TSHZ3: variants seen among roughly 807,000 people sequenced by gnomAD.
The protein encoded by TSHZ3 is teashirt zinc finger homeobox 3.
In TSHZ3, 10 loss-of-function variants were observed where a neutral mutation model predicts 64.5. The ratio of observed to expected loss-of-function variants is 0.16; its 90% CI spans 0.10 to 0.26. The LOEUF is 0.26. Ranked by LOEUF, TSHZ3 falls within the 10% of genes least tolerant of loss-of-function variation. The pLI is 1.00. For missense variants in TSHZ3, 1,242 were observed against 1,421.7 expected (o/e 0.87, Z 2.03); for synonymous variants, 608 against 593.1 (o/e 1.03, Z -0.36).
At chr19:31,201,353 C>G (rs1185247333) in intron 5 of TSHZ3, among the ~76,000 whole-genome samples, 1 of 151,962 alleles carries the variant, frequency 6.6e-6, no homozygotes, top group African/African-American at 2.4e-5. Context: ...AATCTAAAAA[C>G]AAAGGGAGCC....
intron 4 of TSHZ3, among the ~76,000 whole-genome samples, chr19:31,223,323 G>C (rs1975415480): frequency 6.6e-6 from 1 of 151,652 alleles, no homozygotes; most frequent in Non-Finnish European, 1.5e-5. Context: ...CCTTCTCCCA[G>C]GTAGGTCTGT....
chr19:31,164,861 A>T (rs1974423008), intron 5 of TSHZ3, among the ~76,000 whole-genome samples: 1 of 152,136 alleles, frequency 6.6e-6, no homozygotes, highest in African/African-American at 2.4e-5. Flanking sequence ...ATCGTCTTTG[A>T]TTTATGAAGT....
chr19:31,236,352 T>G (rs80083277), intron 3 of TSHZ3, among the ~76,000 whole-genome samples: 1,830 of 152,282 alleles, frequency 0.012, 34 homozygotes, highest in African/African-American at 0.042. Context: ...TCAGGTGATA[T>G]CTCATTGTGG....
rs1049561970 is a variant in TSHZ3 at position 31,185,157 on chromosome 19, C to G, written n.809+19799G>C. Among the ~76,000 whole-genome samples, 55 of 151,990 alleles carry G rather than the reference C, an allele frequency of 3.6e-4. 1 individual carries two copies. The highest frequency in any genetic ancestry group is 2.1e-4 in the South Asian group (1 of 4,830). ...ATGCAGAGCGAGGAAAGCTCCAGCT[C>G]TCCCTTCCCTTCCGCCAGTGGCCGC... On this transcript the variant is annotated intron_variant and non_coding_transcript_variant, in intron 5 of 6. Coordinates refer to the TSHZ3 transcript ENST00000651361.
chr19:31,207,806 C>T (rs1198335115), intron 4 of TSHZ3: 1 of 152,124 alleles, frequency 6.6e-6, no homozygotes, highest in East Asian at 1.9e-4. Flanking sequence ...TCATGCTAAA[C>T]AGTAGTTTAG....
chr19:31,216,850 G>A lies in TSHZ3; in HGVS notation n.686+11155C>T, dbSNP rs190947099. On this transcript the variant is annotated intron_variant and non_coding_transcript_variant, in intron 4 of 6. Coordinates refer to the TSHZ3 transcript ENST00000651361. ...TTTTTTATTTTTTTGTAGAGACATG[G>A]TTTCACCATGTTAGCCAGGATGGTC... Among the ~76,000 whole-genome samples the A allele has an allele frequency of 2.5e-3, 375 of 151,900 alleles. 4 individuals are homozygous for A. The highest frequency in any genetic ancestry group is 0.024 in the Middle Eastern group (7 of 294).
At chr19:31,250,980 G>T (rs556869190) in intron 1 of TSHZ3, among the ~76,000 whole-genome samples, 3 of 152,128 alleles carry the variant, frequency 2.0e-5, no homozygotes, top group Non-Finnish European at 2.9e-5. Context: ...ACACCACCCT[G>T]CCCCACCCCA....
At chr19:31,318,301 A>G (rs893208726) in intron 1 of TSHZ3, among the ~76,000 whole-genome samples, 2 of 152,212 alleles carry the variant, frequency 1.3e-5, no homozygotes, top group South Asian at 4.1e-4. Context: ...ATAATATGGC[A>G]ATTCACCATA....
intron 1 of TSHZ3, among the ~76,000 whole-genome samples, chr19:31,330,154 T>C (rs1027453): frequency 0.61 from 92,999 of 151,526 alleles, 29,947 homozygotes; most frequent in East Asian, 0.94. Flanking sequence ...AGCTGCTGTG[T>C]GATAACCAAA....
intron 1 of TSHZ3, among the ~76,000 whole-genome samples, chr19:31,266,278 C>T (rs140549214): frequency 1.8e-4 from 28 of 152,254 alleles, no homozygotes; most frequent in African/African-American, 3.9e-4. Context: ...GCCTCATCAA[C>T]ATAACAAGAC....
chr19:31,327,660 C>T (rs1568382617), intron 1 of TSHZ3, among the ~76,000 whole-genome samples: 2 of 152,106 alleles, frequency 1.3e-5, no homozygotes, highest in Non-Finnish European at 2.9e-5. Context: ...TACACGTATA[C>T]ACGCATATAA....
rs148486984 is a variant in TSHZ3 at position 31,276,649 on chromosome 19, C to T, written c.3144G>A (p.Arg1048=). Residue 1048 remains arginine, a synonymous_variant, in exon 2 of 2, where the codon CGG becomes CGA. Transcript: ENST00000240587. ...GTSYQCKLCN[R]TFASKHAVKL... is the part of the protein sequence containing the mutation. Reference sequence around the variant, plus strand: ...TAACAGCGTGCTTGCTGGCAAAGGTCCGATTGCAAAGTTTGCACTGATAGG... The same window carrying T: ...TAACAGCGTGCTTGCTGGCAAAGGTTCGATTGCAAAGTTTGCACTGATAGG... The T allele has an allele frequency of 3.3e-4, 532 of 1,612,750 alleles. No homozygotes were observed. The highest frequency in any genetic ancestry group is 4.2e-4 in the Non-Finnish European group (498 of 1,179,002).
intron 1 of TSHZ3, among the ~76,000 whole-genome samples, chr19:31,298,113 GGC>G (rs763312010): frequency 6.6e-6 from 1 of 152,032 alleles, no homozygotes; most frequent in Non-Finnish European, 1.5e-5. Flanking sequence ...TGTGTCTCTT[GGC>G]TTCCCTTGCA....
chr19:31,189,297 T>A (rs1974864874), intron 5 of TSHZ3, among the ~76,000 whole-genome samples: 1 of 152,010 alleles, frequency 6.6e-6, no homozygotes, highest in Non-Finnish European at 1.5e-5. Flanking sequence ...GGGTTTTATT[T>A]ACTTAGTTTT....
chr19:31,299,086 T>TG, intron 1 of TSHZ3, among the ~76,000 whole-genome samples: 1 of 152,296 alleles, frequency 6.6e-6, no homozygotes, highest in Middle Eastern at 3.4e-3. Flanking sequence ...TCCCAGCTAC[T>TG]GGGGAGGCTA....
intron 4 of TSHZ3, among the ~76,000 whole-genome samples, chr19:31,225,531 T>C (rs1201427047): frequency 3.9e-5 from 6 of 152,178 alleles, no homozygotes; most frequent in African/African-American, 1.4e-4. Context: ...CTGCACTTTA[T>C]GGAAAAATGA....
At chr19:31,153,354 T>A (rs1465400320) in intron 6 of TSHZ3, among the ~76,000 whole-genome samples, 4 of 152,174 alleles carry the variant, frequency 2.6e-5, no homozygotes, top group Non-Finnish European at 5.9e-5. Context: ...AGAGAAAGAC[T>A]ATGTGTAAAA....
intron 5 of TSHZ3, among the ~76,000 whole-genome samples, chr19:31,174,152 G>C (rs1030414071): frequency 2.6e-5 from 4 of 152,244 alleles, no homozygotes; most frequent in African/African-American, 9.6e-5. Flanking sequence ...AGTCAGCAAA[G>C]GGGAAGACCC....
At chr19:31,172,045 A>G (rs1955418847) in intron 5 of TSHZ3, among the ~76,000 whole-genome samples, 1 of 152,222 alleles carries the variant, frequency 6.6e-6, no homozygotes, top group African/African-American at 2.4e-5. Flanking sequence ...AAGAGACACC[A>G]AAACAACCAT....
Sources: gnomAD v4.1 joint callset for allele counts (sites outside exome capture counted in the v4.1 genomes callset) on GRCh38, gnomAD v4.1.1 for gene constraint, MANE v1.5 for transcripts, NCBI Gene and HGNC (gene_info 2026-07-23, HGNC 2026-07-21) for gene names.